Variants in CCDC146 observed in about 807,000 individuals in gnomAD.
CCDC146 encodes coiled-coil domain containing 146.
CCDC146 carries 92 observed loss-of-function variants against 119.3 expected under a neutral mutation model. The observed-to-expected ratio is 0.77, with a 90% CI of 0.65 to 0.92. CCDC146 has a LOEUF of 0.92. Among genes scored for constraint, CCDC146 ranks in the 40% least tolerant of loss-of-function variants. The probability of loss-of-function intolerance (pLI) is 0.00; values close to 1 mark genes in which losing one functional copy is unlikely to be tolerated. For missense variants in CCDC146, 1,000 were observed against 1,103.0 expected, an observed-to-expected ratio of 0.91 and a Z score of 1.32; for synonymous variants, 372 against 371.8, an observed-to-expected ratio of 1.00 and a Z score of -0.01.
intron 2 of CCDC146, chr7:77,199,162 A>G: frequency 6.3e-7 from 1 of 1,596,514 alleles, no homozygotes. Flanking sequence ...ATATGATAAG[A>G]AAACATTATT....
chr7:77,123,335 ATC>A (rs1211286539), intron 1 of CCDC146, among the ~76,000 whole-genome samples: 1 of 150,934 alleles, frequency 6.6e-6, no homozygotes, highest in Non-Finnish European at 1.5e-5. Context: ...CCACTGCTTC[ATC>A]TGTGTCACCT....
At chr7:77,221,771 GATTC>G (rs1204035948) in intron 2 of CCDC146, among the ~76,000 whole-genome samples, 2 of 152,152 alleles carry the variant, frequency 1.3e-5, no homozygotes, top group East Asian at 3.9e-4. Context: ...ATGGTGGCCT[GATTC>G]ATTCAACATT....
chr7:77,208,000 G>A (rs1405355011), intron 2 of CCDC146, among the ~76,000 whole-genome samples: 1 of 152,172 alleles, frequency 6.6e-6, no homozygotes, highest in Non-Finnish European at 1.5e-5. Flanking sequence ...AATAACAAGG[G>A]TGAAAAACGG....
At chr7:77,200,267 A>G (rs1198826849) in intron 2 of CCDC146, among the ~76,000 whole-genome samples, 2 of 152,110 alleles carry the variant, frequency 1.3e-5, no homozygotes, top group Non-Finnish European at 2.9e-5. Context: ...GGGAGCCTGT[A>G]TTTTCTTCAT....
chr7:77,249,952 C>T (rs1203971515), intron 4 of CCDC146, among the ~76,000 whole-genome samples: 3 of 151,982 alleles, frequency 2.0e-5, no homozygotes, highest in African/African-American at 4.8e-5. Context: ...ATTTTCTCTC[C>T]TTTCTTAGTA....
intron 2 of CCDC146, among the ~76,000 whole-genome samples, chr7:77,172,403 G>A (rs1462257368): frequency 6.6e-6 from 1 of 152,200 alleles, no homozygotes; most frequent in African/African-American, 2.4e-5. Flanking sequence ...ACAACTGAAG[G>A]AAAGCAGTCA....
At chr7:77,225,869 G>A (rs1792502148) in intron 2 of CCDC146, among the ~76,000 whole-genome samples, 1 of 152,132 alleles carries the variant, frequency 6.6e-6, no homozygotes, top group Non-Finnish European at 1.5e-5. Flanking sequence ...CTTGAACCCT[G>A]GAGGCGGAGG....
intron 1 of CCDC146, among the ~76,000 whole-genome samples, chr7:77,127,755 C>T (rs995636851): frequency 6.6e-6 from 1 of 152,038 alleles, no homozygotes; most frequent in African/African-American, 2.4e-5. Flanking sequence ...TCTTTCTATT[C>T]TTTACTTTTG....
intron 1 of CCDC146, among the ~76,000 whole-genome samples, chr7:77,153,080 C>T (rs1462524801): frequency 1.3e-5 from 2 of 152,112 alleles, no homozygotes; most frequent in African/African-American, 2.4e-5. Context: ...CCCCATGCTG[C>T]CATCCTGGTA....
chr7:77,129,311 C>T (rs1419478544), intron 1 of CCDC146, among the ~76,000 whole-genome samples: 6 of 151,904 alleles, frequency 3.9e-5, no homozygotes, highest in East Asian at 1.9e-4. Flanking sequence ...TCTCAGTGCT[C>T]GTATTCAAGT....
intron 2 of CCDC146, among the ~76,000 whole-genome samples, chr7:77,186,314 A>C (rs1010510936): frequency 1.3e-5 from 2 of 152,192 alleles, no homozygotes; most frequent in Non-Finnish European, 2.9e-5. Flanking sequence ...AGCCATAAAA[A>C]ATAATGAGAT....
At chr7:77,229,684 G>A (rs745782282) in intron 2 of CCDC146, among the ~76,000 whole-genome samples, 16 of 152,154 alleles carry the variant, frequency 1.1e-4, no homozygotes, top group Non-Finnish European at 1.9e-4. Context: ...TTTTAAGCAT[G>A]AGTTAGTTCA....
intron 4 of CCDC146, among the ~76,000 whole-genome samples, chr7:77,247,799 G>T (rs1200645827): frequency 6.6e-6 from 1 of 152,114 alleles, no homozygotes; most frequent in South Asian, 2.1e-4. Context: ...AGATGTTGGC[G>T]GAGTGCTGAG....
rs1364729413 is a variant in CCDC146, at chr7:77,140,083, C to T, written c.-12+17351C>T. Among the ~76,000 whole-genome samples the T allele has an allele frequency of 7.2e-5, 11 of 151,934 alleles. No individual in the cohort carries two copies. In the East Asian group the frequency reaches 2.1e-3, roughly 29 times the overall value. ...CTAATTTTTGTATTTTTAGCAGAGA[C>T]GAGGTTTCACCATGTTGGCCAGGCT... On this transcript the variant is annotated intron_variant, in intron 1 of 18. Coordinates refer to ENST00000285871, the MANE Select transcript of CCDC146 (RefSeq NM_020879.3).
chr7:77,154,552 G>A (rs1292590687), intron 1 of CCDC146, among the ~76,000 whole-genome samples: 3 of 150,836 alleles, frequency 2.0e-5, no homozygotes, highest in Non-Finnish European at 4.4e-5. Flanking sequence ...GAGAACATGC[G>A]GTGTTTGGCT....
intron 2 of CCDC146, chr7:77,198,048 A>T: frequency 1.2e-6 from 1 of 824,038 alleles, no homozygotes; most frequent in Non-Finnish European, 1.5e-6. Flanking sequence ...TTTAGGAGAA[A>T]AATAGACAAT....
At chr7:77,206,692 T>C (rs201542756) in intron 2 of CCDC146, among the ~76,000 whole-genome samples, 5 of 147,946 alleles carry the variant, frequency 3.4e-5, no homozygotes, top group Admixed American at 6.8e-5. Flanking sequence ...CACACACACA[T>C]ACATATACAC....
At chr7:77,148,487 G>A (rs200729220) in intron 1 of CCDC146, among the ~76,000 whole-genome samples, 3 of 152,096 alleles carry the variant, frequency 2.0e-5, no homozygotes, top group Non-Finnish European at 4.4e-5. Context: ...GAAATCACCC[G>A]TCTTCTGCGT....
intron 1 of CCDC146, among the ~76,000 whole-genome samples, chr7:77,142,937 G>A (rs1049715471): frequency 3.0e-4 from 45 of 151,726 alleles, no homozygotes; most frequent in African/African-American, 1.0e-3. Context: ...CCCAGTAATG[G>A]GATGGCTGGG....
Sources: allele counts gnomAD v4.1 joint callset (sites outside exome capture counted in the v4.1 genomes callset), GRCh38; gene constraint gnomAD v4.1.1; transcripts MANE v1.5; gene names NCBI Gene and HGNC (gene_info 2026-07-23, HGNC 2026-07-21).